NUAK2: variants seen among roughly 807,000 people sequenced by gnomAD.
The protein encoded by NUAK2 is NUAK family SNF1-like kinase 2.
A neutral mutation model predicts 29.8 loss-of-function variants in NUAK2; 20 were observed. The observed-to-expected ratio is 0.67, with a 90% CI of 0.47 to 0.98. NUAK2 has a LOEUF of 0.98. NUAK2 is among the 50% of genes least tolerant of loss of function. The pLI is 0.00. For synonymous variants in NUAK2, 331 were observed against 342.6 expected (o/e 0.97, Z 0.37); for missense variants, 719 against 834.5 (o/e 0.86, Z 1.71).
At chr1:205,311,555 TGA>T (rs1314833373) in intron 2 of NUAK2, 148 bp downstream of exon 2, 22 of 938,104 alleles carry the variant, frequency 2.3e-5, no homozygotes, top group Non-Finnish European at 3.5e-5. Flanking sequence ...GTCATACAGC[TGA>T]GTTTCAAATC....
At chr1:205,315,263 TG>T (rs1662311047) in intron 1 of NUAK2, among the ~76,000 whole-genome samples, 1 of 152,226 alleles carries the variant, frequency 6.6e-6, no homozygotes, top group Admixed American at 6.5e-5. Flanking sequence ...CAGCCTATCC[TG>T]GACCCACAGG....
intron 1 of NUAK2, 60 bp downstream of exon 1, chr1:205,321,338 G>A: frequency 1.4e-6 from 2 of 1,453,502 alleles, no homozygotes; most frequent in South Asian, 1.3e-5. Flanking sequence ...GCCCTCCTCC[G>A]CTCCCTGCCG....
At chr1:205,310,576 C>T (rs150204886) in intron 2 of NUAK2, among the ~76,000 whole-genome samples, 197 of 152,246 alleles carry the variant, frequency 1.3e-3, no homozygotes, top group Middle Eastern at 0.01. Flanking sequence ...AGGCACAATT[C>T]ACACACACAT....
At chr1:205,312,483 A>G (rs1381966740) in intron 1 of NUAK2, among the ~76,000 whole-genome samples, 1 of 152,216 alleles carries the variant, frequency 6.6e-6, no homozygotes, top group Non-Finnish European at 1.5e-5. Context: ...ACAAAGTGGA[A>G]ACAACCCAAA....
At chr1:205,312,208 T>G (rs1662267038) in intron 1 of NUAK2, among the ~76,000 whole-genome samples, 1 of 152,206 alleles carries the variant, frequency 6.6e-6, no homozygotes, top group Non-Finnish European at 1.5e-5. Context: ...GAATTCTTGA[T>G]GCTGAGCACA....
intron 2 of NUAK2, 66 bp downstream of exon 2, chr1:205,311,639 A>T: frequency 6.3e-7 from 1 of 1,576,148 alleles, no homozygotes; most frequent in Non-Finnish European, 8.7e-7. Flanking sequence ...ACATGTACAT[A>T]CGCATGTGAA....
Position 205,321,743 on chromosome 1 carries a change from C to A in NUAK2, c.-115G>T. The A allele has an allele frequency of 1.2e-6, 1 of 808,160 alleles. No homozygotes were observed. The highest frequency in any genetic ancestry group is 1.9e-6 in the Non-Finnish European group (1 of 513,018). The allele number at this position is 808,160 out of a possible 1,614,324, so 50.1% of individuals were successfully genotyped here. ...GGGGAGCCACAGCAGTACCAGAGCG[C>A]GCAGTAAAGCACAGCATTCCAAGTT... On this transcript the variant is annotated 5_prime_UTR_variant, in exon 1 of 7. Transcript: ENST00000367157.
At chr1:205,312,001 A>G (rs1394233665) in intron 1 of NUAK2, among the ~76,000 whole-genome samples, 176 bp from the exon 2 acceptor site, 1 of 152,208 alleles carries the variant, frequency 6.6e-6, no homozygotes, top group Non-Finnish European at 1.5e-5. Flanking sequence ...TTCTCTAGAA[A>G]AAGATCTCAC....
At chr1:205,315,926 C>A (rs1019809462) in intron 1 of NUAK2, among the ~76,000 whole-genome samples, 1 of 151,920 alleles carries the variant, frequency 6.6e-6, no homozygotes, top group African/African-American at 2.4e-5. Context: ...AAGAGGGTAA[C>A]AATTGCTGAA....
At chr1:205,320,249 TTTGTTTCGTTTTG>T (rs1558677193) in intron 1 of NUAK2, among the ~76,000 whole-genome samples, 18 of 150,356 alleles carry the variant, frequency 1.2e-4, no homozygotes, top group Non-Finnish European at 2.4e-4. Context: ...TCTTTTTTTG[TTTGTTTCGTTTTG>T]TTTTGTTTTG....
Position 205,303,377 on chromosome 1 carries a change from G to C in NUAK2, c.*73C>G. 1 of 1,341,816 alleles carries C rather than the reference G, an allele frequency of 7.5e-7. No homozygotes were observed. Among genetic ancestry groups the C allele is most frequent in the South Asian group, 1.5e-5 (1 of 68,884 alleles). 83.1% of individuals were successfully genotyped at this position (1,341,816 alleles called of 1,614,324 possible). Reference sequence around the variant, plus strand: ...GATGCAGGTCCTGGGAGGTGGGGGAGAAGGCATCTCCCCTCGGGGTGCAAC... The same window carrying C: ...GATGCAGGTCCTGGGAGGTGGGGGACAAGGCATCTCCCCTCGGGGTGCAAC... On this transcript the variant is annotated 3_prime_UTR_variant, in exon 7 of 7. Coordinates refer to ENST00000367157, the MANE Select transcript of NUAK2 (RefSeq NM_030952.3).
intron 2 of NUAK2, among the ~76,000 whole-genome samples, chr1:205,310,438 T>C (rs541576160): frequency 2.6e-5 from 4 of 152,288 alleles, no homozygotes; most frequent in South Asian, 2.1e-4. Flanking sequence ...GGGGATGAAT[T>C]TGGGGGAGCC....
rs146153134 is a variant in NUAK2 at position 205,304,007 on chromosome 1, G to A, written c.1330C>T (p.Pro444Ser). 1.9e-6 allele frequency: 3 copies of A among 1,613,878 alleles called. No individual in the cohort carries two copies. The highest frequency in any genetic ancestry group is 2.5e-6 in the Non-Finnish European group (3 of 1,179,864). Residue 444 changes from proline to serine, a missense_variant, in exon 7 of 7, where the codon CCC becomes TCC. Pro to Ser is a moderately conservative substitution (Grantham distance 74). Transcript: ENST00000367157. The surrounding 1 kb of genome is among the most constrained non-coding windows in gnomAD (Gnocchi z 6.5). ...GGCTTCTTGAGAATGCCCTTCTTGG[G>A]GAGCAGGGGGGCAGCCTGCCCTGGG... Reference protein sequence around the residue: ...ASPGQAAPLLPKKGILKKPRQ... With the variant: ...ASPGQAAPLLSKKGILKKPRQ...
chr1:205,311,943 C>T (rs557956603), intron 1 of NUAK2, 118 bp from the exon 2 acceptor site: 13 of 1,292,034 alleles, frequency 1.0e-5, no homozygotes, highest in Middle Eastern at 2.7e-4. Flanking sequence ...CCCATAGAAG[C>T]CACTCCATCC....
intron 6 of NUAK2, 128 bp downstream of exon 6, chr1:205,305,071 C>T: frequency 8.1e-7 from 1 of 1,235,174 alleles, no homozygotes; most frequent in South Asian, 1.5e-5. Flanking sequence ...GTGGAGGGTA[C>T]CCTAACCTAC....
intron 1 of NUAK2, among the ~76,000 whole-genome samples, chr1:205,320,515 C>T (rs1662398372): frequency 6.6e-6 from 1 of 152,222 alleles, no homozygotes; most frequent in South Asian, 2.1e-4. Context: ...CCGCCCGCCT[C>T]GGCCTCCCAC....
chr1:205,315,130 G>A (rs1393331019), intron 1 of NUAK2, among the ~76,000 whole-genome samples: 1 of 152,202 alleles, frequency 6.6e-6, no homozygotes, highest in Non-Finnish European at 1.5e-5. Context: ...GGAGATCACA[G>A]TACGGCTGGC....
chr1:205,319,024 G>A (rs967826615), intron 1 of NUAK2, among the ~76,000 whole-genome samples: 6 of 147,858 alleles, frequency 4.1e-5, no homozygotes, highest in East Asian at 2.1e-4. Context: ...TCTTGGGCAA[G>A]CTCCCACACC....
chr1:205,312,271 C>T (rs886776365), intron 1 of NUAK2, among the ~76,000 whole-genome samples: 1 of 152,200 alleles, frequency 6.6e-6, no homozygotes, highest in Admixed American at 6.5e-5. Context: ...ACCCTCACAA[C>T]AACCTTGGGA....
Sources: gnomAD v4.1 joint callset for allele counts (sites outside exome capture counted in the v4.1 genomes callset) on GRCh38, gnomAD v4.1.1 for gene constraint, Gnocchi (gnomAD v3.1) non-coding constraint, MANE v1.5 for transcripts, NCBI Gene and HGNC (gene_info 2026-07-23, HGNC 2026-07-21) for gene names.